The following CNTN6 variants were observed in gnomAD, a reference collection of about 807,000 sequenced individuals.
The protein encoded by CNTN6 is contactin-6.
Under a neutral mutation model 122.8 loss-of-function variants are expected in CNTN6, and 137 were observed. The ratio of observed to expected loss-of-function variants is 1.12; its 90% CI spans 0.97 to 1.29. CNTN6 has a LOEUF of 1.29. CNTN6 is among the 50% of genes most tolerant of loss of function. The pLI, the probability that CNTN6 is intolerant of heterozygous loss-of-function variation, is 0.00. For synonymous variants in CNTN6, 570 were observed against 426.0 expected (o/e 1.34, Z -4.16); for missense variants, 1,634 against 1,223.4 (o/e 1.34, Z -5.01).
intron 4 of CNTN6, among the ~76,000 whole-genome samples, chr3:1,253,099 C>A (rs2094696973): frequency 6.6e-6 from 1 of 152,098 alleles, no homozygotes; most frequent in Non-Finnish European, 1.5e-5. Flanking sequence ...TTTATTTTGC[C>A]AGCAGGCAAA....
intron 11 of CNTN6, among the ~76,000 whole-genome samples, chr3:1,335,738 A>C (rs905698974): frequency 6.6e-6 from 1 of 152,132 alleles, no homozygotes; most frequent in Non-Finnish European, 1.5e-5. Flanking sequence ...CCATTATACA[A>C]TTGAATCTGG....
chr3:1,384,313 G>A (rs3915436), intron 19 of CNTN6, among the ~76,000 whole-genome samples: 71,749 of 150,348 alleles, frequency 0.48, 17,217 homozygotes, highest in East Asian at 0.64. Flanking sequence ...GGTAAGAGGT[G>A]AAGTCTGCTC....
intron 2 of CNTN6, among the ~76,000 whole-genome samples, chr3:1,182,501 ATGTAGT>A (rs2093569521): frequency 6.6e-6 from 1 of 152,146 alleles, no homozygotes; most frequent in Non-Finnish European, 1.5e-5. Context: ...GATGACAAAC[ATGTAGT>A]TATAGTGAGT....
In CNTN6 at chr3:1,166,227, G is replaced by T. The variant is rs540220831; in HGVS notation, c.55+18164G>T. Among the ~76,000 whole-genome samples the T allele has an allele frequency of 8.5e-5, 13 of 152,304 alleles. No individual in the cohort carries two copies. The South Asian group carries it at 2.7e-3, about 32-fold the overall frequency. On this transcript the variant is annotated intron_variant, in intron 2 of 22. Coordinates refer to ENST00000446702, the MANE Select transcript of CNTN6 (RefSeq NM_001289080.2). ...AGGAGTTATCGTGGGAGTGGTGAATGTGGAGGGGCTCTGAGTGGGAAATAG... is the reference window on the plus strand; with the variant it reads ...AGGAGTTATCGTGGGAGTGGTGAATTTGGAGGGGCTCTGAGTGGGAAATAG...
intron 5 of CNTN6, among the ~76,000 whole-genome samples, chr3:1,293,017 A>G (rs1255784796): frequency 6.6e-6 from 1 of 151,746 alleles, no homozygotes; most frequent in African/African-American, 2.4e-5. Context: ...CACTTTTTGC[A>G]TTTTCTCACT....
chr3:1,366,712 G>A (rs1466539972), intron 12 of CNTN6, among the ~76,000 whole-genome samples: 2 of 152,104 alleles, frequency 1.3e-5, no homozygotes, highest in African/African-American at 4.8e-5. Context: ...AACTCTTTGA[G>A]AGAGCAATCA....
At chr3:1,374,526 T>G (rs1433158717) in intron 16 of CNTN6, among the ~76,000 whole-genome samples, 1 of 152,078 alleles carries the variant, frequency 6.6e-6, no homozygotes, top group Non-Finnish European at 1.5e-5. Context: ...TTTTTTTCCA[T>G]GCAAATGAGG....
At chr3:1,329,976 TATAAC>T in intron 11 of CNTN6, 41 bp downstream of exon 11, 1 of 1,437,542 alleles carries the variant, frequency 7.0e-7, no homozygotes, top group Non-Finnish European at 9.2e-7. Context: ...TTGTTTGTAA[TATAAC>T]ATCTTCCAAA....
intron 4 of CNTN6, among the ~76,000 whole-genome samples, chr3:1,253,207 C>G (rs1459950321): frequency 1.3e-5 from 2 of 152,196 alleles, no homozygotes; most frequent in Non-Finnish European, 2.9e-5. Flanking sequence ...TACCACCTCT[C>G]CTTACCAAGC....
At chr3:1,303,524 G>C (rs1458325888) in intron 7 of CNTN6, among the ~76,000 whole-genome samples, 1 of 152,100 alleles carries the variant, frequency 6.6e-6, no homozygotes. Flanking sequence ...GGTTTCCCTA[G>C]AGACTCTTTC....
intron 2 of CNTN6, among the ~76,000 whole-genome samples, chr3:1,155,485 T>A (rs1414430913): frequency 6.6e-6 from 1 of 152,230 alleles, no homozygotes; most frequent in East Asian, 1.9e-4. Context: ...TTAGGATTTT[T>A]TTTTTAATTT....
intron 2 of CNTN6, among the ~76,000 whole-genome samples, chr3:1,214,906 C>G (rs1181997302): frequency 2.0e-5 from 3 of 152,126 alleles, no homozygotes; most frequent in Non-Finnish European, 4.4e-5. Context: ...CAAGCACCCA[C>G]CACTGCTAAT....
At position 1,295,822 on chromosome 3, in the gene CNTN6, C is replaced by T; in HGVS notation, c.658+18C>T. Reference sequence around the variant, plus strand: ...CACTGATGGTAAGATAATGAGTTATCTTGGGAATGTACTTTATCTTTGGCC... The same window carrying T: ...CACTGATGGTAAGATAATGAGTTATTTTGGGAATGTACTTTATCTTTGGCC... On this transcript the variant is annotated intron_variant, in intron 6 of 22. Transcript: ENST00000446702. 1 of 1,603,806 alleles carries T rather than the reference C, an allele frequency of 6.2e-7. No individual in the cohort carries two copies. Among genetic ancestry groups the T allele is most frequent in the Non-Finnish European group, 8.5e-7 (1 of 1,171,162 alleles).
intron 4 of CNTN6, among the ~76,000 whole-genome samples, chr3:1,261,361 G>C (rs1457063692): frequency 6.6e-6 from 1 of 152,082 alleles, no homozygotes; most frequent in African/African-American, 2.4e-5. Flanking sequence ...GTAATTAATT[G>C]GTTGTCATTG....
chr3:1,113,316 A>T (rs1289321689), intron 1 of CNTN6, among the ~76,000 whole-genome samples: 1 of 152,178 alleles, frequency 6.6e-6, no homozygotes, highest in Non-Finnish European at 1.5e-5. Flanking sequence ...ACTAAAAAAG[A>T]TGCTGTATTT....
intron 22 of CNTN6, 87 bp downstream of exon 22, chr3:1,402,573 G>C: frequency 9.0e-7 from 1 of 1,110,124 alleles, no homozygotes; most frequent in Non-Finnish European, 1.3e-6. Flanking sequence ...TCCAGTTATG[G>C]CTTAAATGTT....
chr3:1,161,857 T>C (rs1489464648), intron 2 of CNTN6, among the ~76,000 whole-genome samples: 3 of 152,056 alleles, frequency 2.0e-5, no homozygotes, highest in South Asian at 2.1e-4. Flanking sequence ...TTTCTATACA[T>C]GTTACATTAC....
chr3:1,166,271 A>T (rs1190293752), intron 2 of CNTN6, among the ~76,000 whole-genome samples: 1 of 152,128 alleles, frequency 6.6e-6, no homozygotes, highest in Non-Finnish European at 1.5e-5. Context: ...CATTTTATAG[A>T]TCCCACATCT....
chr3:1,248,673 A>G (rs2094614741), intron 4 of CNTN6, among the ~76,000 whole-genome samples: 1 of 152,028 alleles, frequency 6.6e-6, no homozygotes, highest in Non-Finnish European at 1.5e-5. Context: ...TACAAAAATT[A>G]GCCAGGTGTG....
Sources: allele counts gnomAD v4.1 joint callset (sites outside exome capture counted in the v4.1 genomes callset), GRCh38; gene constraint gnomAD v4.1.1; transcripts MANE v1.5; gene names NCBI Gene and HGNC (gene_info 2026-07-23, HGNC 2026-07-21).